The following BTD variants were observed in gnomAD, a reference collection of about 807,000 sequenced individuals.
BTD encodes biocytinase.
BTD carries 13 observed loss-of-function variants against 17.7 expected under a neutral mutation model. That is an observed-to-expected ratio of 0.74 (90% CI 0.48 to 1.17). BTD has a LOEUF of 1.17. Among genes scored for constraint, BTD ranks in the 50% most tolerant of loss-of-function variants. The probability of loss-of-function intolerance (pLI) is 0.00; values close to 1 mark genes in which losing one functional copy is unlikely to be tolerated. For missense variants in BTD, 674 were observed against 650.4 expected (o/e 1.04, Z -0.39); for synonymous variants, 240 against 245.2 (o/e 0.98, Z 0.20).
At chr3:15,678,820 T>A (rs1238775720) in intron 3 of BTD, among the ~76,000 whole-genome samples, 4 of 152,204 alleles carry the variant, frequency 2.6e-5, no homozygotes, top group African/African-American at 9.6e-5. Context: ...TCCTAAAATC[T>A]ATAAATAGAA....
chr3:15,722,372 C>A (rs984058645), downstream of BTD, among the ~76,000 whole-genome samples: 1 of 152,174 alleles, frequency 6.6e-6, no homozygotes, highest in South Asian at 2.1e-4. Flanking sequence ...CAGGGAAGAA[C>A]AGTAATGTGT....
rs771537277 is a variant in BTD, at chr3:15,645,459, C to G, written c.1543C>G (p.Leu515Val). The G allele has an allele frequency of 3.3e-5, 53 of 1,610,564 alleles. No individual in the cohort carries two copies. The highest frequency in any genetic ancestry group is 4.5e-5 in the Non-Finnish European group (53 of 1,180,024). ...GTCCTCTGGGCTGGTGACGGCGGCTCTCTATGGGCGCTTGTATGAGAGGGA... is the reference window on the plus strand; with the variant it reads ...GTCCTCTGGGCTGGTGACGGCGGCTGTCTATGGGCGCTTGTATGAGAGGGA... ...RLSSGLVTAA[L>V]YGRLYERD The change falls in exon 4 of 4, where the codon CTC becomes GTC. Residue 515 changes from leucine to valine, a missense_variant. Leu to Val is a conservative substitution (Grantham distance 32). Coordinates refer to ENST00000643237, the MANE Select transcript of BTD (RefSeq NM_001370658.1).
chr3:15,673,477 G>A (rs940211858), intron 3 of BTD, among the ~76,000 whole-genome samples: 2 of 152,156 alleles, frequency 1.3e-5, no homozygotes, highest in Admixed American at 6.5e-5. Flanking sequence ...TGTTCTTGTG[G>A]AGCTTACATT....
chr3:15,654,788 A>G (rs1039507391), downstream of BTD, among the ~76,000 whole-genome samples: 1 of 151,680 alleles, frequency 6.6e-6, no homozygotes, highest in African/African-American at 2.4e-5. Flanking sequence ...AAGCTGGAGT[A>G]CAATGGCATG....
At chr3:15,670,348 G>A in intron 3 of BTD, 1 of 1,605,880 alleles carries the variant, frequency 6.2e-7, no homozygotes, top group South Asian at 1.1e-5. Context: ...CAATGTTATT[G>A]AAACTGCAAT....
chr3:15,659,086 A>C (rs1392602615), intron 3 of BTD, among the ~76,000 whole-genome samples: 1 of 152,220 alleles, frequency 6.6e-6, no homozygotes, highest in Non-Finnish European at 1.5e-5. Flanking sequence ...CCCAGGACCT[A>C]GTACATTCTC....
chr3:15,712,319 C>G (rs2072417907), exon 4 of BTD: 3 of 976,488 alleles, frequency 3.1e-6, no homozygotes, highest in Non-Finnish European at 4.7e-6. Flanking sequence ...TGAAAGATAA[C>G]TAAGAGCCAA....
intron 3 of BTD, chr3:15,690,021 G>A (rs748867105): frequency 1.2e-6 from 2 of 1,604,362 alleles, no homozygotes; most frequent in African/African-American, 1.3e-5. Flanking sequence ...TGGCATACCT[G>A]CTGCATGAAT....
intron 3 of BTD, among the ~76,000 whole-genome samples, chr3:15,693,564 G>A (rs2069111819): frequency 1.3e-5 from 2 of 152,156 alleles, no homozygotes; most frequent in African/African-American, 4.8e-5. Context: ...CTGGCACCTA[G>A]AAAGTGCTCA....
intron 3 of BTD, among the ~76,000 whole-genome samples, chr3:15,689,422 C>T (rs2068520471): frequency 6.6e-6 from 1 of 152,232 alleles, no homozygotes; most frequent in Admixed American, 6.5e-5. Context: ...GATGAATCCA[C>T]TGCCACTGCC....
chr3:15,686,351 G>T, intron 3 of BTD: 1 of 1,421,156 alleles, frequency 7.0e-7, no homozygotes, highest in Non-Finnish European at 9.7e-7. Context: ...TACATATAAT[G>T]ATAAAATAGA....
chr3:15,644,312 C>G lies in BTD; in HGVS notation c.400-4C>G. 4 of 1,612,876 alleles carry G rather than the reference C, an allele frequency of 2.5e-6. No individual in the cohort carries two copies. The highest frequency in any genetic ancestry group is 3.4e-6 in the Non-Finnish European group (4 of 1,179,438). ...TCATTTATTTACACCTTTTTTTCCT[C>G]TAGGTGCTCCAGCGCCTGAGTTGTA... On this transcript the variant is annotated splice_polypyrimidine_tract_variant and splice_region_variant and intron_variant, in intron 3 of 3. Coordinates refer to ENST00000643237, the MANE Select transcript of BTD (RefSeq NM_001370658.1).
At chr3:15,682,576 T>C (rs551486634) in intron 3 of BTD, among the ~76,000 whole-genome samples, 2 of 152,346 alleles carry the variant, frequency 1.3e-5, no homozygotes, top group East Asian at 1.9e-4. Context: ...AGTTCTGTGA[T>C]TGAATGACTA....
At chr3:15,703,915 A>T (rs116645353) in intron 3 of BTD, among the ~76,000 whole-genome samples, 1 of 152,162 alleles carries the variant, frequency 6.6e-6, no homozygotes, top group East Asian at 1.9e-4. Flanking sequence ...ACATAAAATA[A>T]TCTACATACA....
chr3:15,694,812 A>G, intron 3 of BTD: 3 of 1,613,318 alleles, frequency 1.9e-6, no homozygotes, highest in South Asian at 2.2e-5. Flanking sequence ...GGTTTCCATT[A>G]ACTGAAAAAG....
intron 3 of BTD, chr3:15,668,470 T>G (rs1023441838): frequency 6.6e-6 from 1 of 152,428 alleles, no homozygotes; most frequent in Non-Finnish European, 1.5e-5. Context: ...CTTTATATTA[T>G]AAAGAAAAGA....
At chr3:15,631,623 A>C (rs1212199114) in intron 1 of BTD, 1 of 805,086 alleles carries the variant, frequency 1.2e-6, no homozygotes, top group African/African-American at 1.7e-5. Context: ...CCTGATCAGG[A>C]CTGGTGTTGG....
intron 4 of BTD, among the ~76,000 whole-genome samples, chr3:15,718,351 A>C (rs2073313094): frequency 6.6e-6 from 1 of 152,218 alleles, no homozygotes; most frequent in Non-Finnish European, 1.5e-5. Flanking sequence ...AATCTACTTA[A>C]ATATATCTTA....
At chr3:15,715,640 T>C (rs1382761602), downstream of BTD, among the ~76,000 whole-genome samples, 1 of 152,168 alleles carries the variant, frequency 6.6e-6, no homozygotes, top group Non-Finnish European at 1.5e-5. Context: ...AACCTAAGCA[T>C]GAATCTCAGA....
Sources: gnomAD v4.1 joint callset for allele counts (sites outside exome capture counted in the v4.1 genomes callset) on GRCh38, gnomAD v4.1.1 for gene constraint, MANE v1.5 for transcripts, NCBI Gene and HGNC (gene_info 2026-07-23, HGNC 2026-07-21) for gene names.